RPA3: variants seen among roughly 807,000 people sequenced by gnomAD.
RPA3 encodes replication protein A 14 kDa subunit.
RPA3 carries 24 observed loss-of-function variants against 13.7 expected under a neutral mutation model. The ratio of observed to expected loss-of-function variants is 1.75; its 90% confidence interval spans 1.27 to 2.46. RPA3 has a LOEUF of 2.46. Among genes scored for constraint, RPA3 ranks in the 30% most tolerant of loss-of-function variants. The pLI is 0.00. For missense variants in RPA3, 183 were observed against 151.0 expected, an observed-to-expected ratio of 1.21 and a Z score of -1.11; for synonymous variants, 59 against 51.2, an observed-to-expected ratio of 1.15 and a Z score of -0.65.
chr7:7,640,530 T>A lies in RPA3; in HGVS notation c.-112A>T. The stretch of plus-strand genomic sequence containing the variant: ...GGCACCAATCAGCGAAGACTAGCGC[T>A]CCAGCTTCGCCAATTAAATGCGCGG... On this transcript the variant is annotated 5_prime_UTR_variant, in exon 5 of 8. Coordinates refer to ENST00000223129, the MANE Select transcript of RPA3 (RefSeq NM_002947.5). The A allele has an allele frequency of 2.1e-6, 2 of 953,916 alleles. No homozygotes were observed. The highest frequency in any genetic ancestry group is 5.0e-5 in the East Asian group (2 of 40,234). The allele number at this position is 953,916 out of a possible 1,614,324, so 59.1% of individuals were successfully genotyped here.
At chr7:7,659,278 G>A (rs534101098) in intron 4 of RPA3, among the ~76,000 whole-genome samples, 5 of 151,940 alleles carry the variant, frequency 3.3e-5, no homozygotes, top group African/African-American at 9.7e-5. Flanking sequence ...TTGATTTTTC[G>A]AAGGGTTTTT....
chr7:7,704,069 C>G (rs973385314), intron 2 of RPA3, among the ~76,000 whole-genome samples: 2 of 152,156 alleles, frequency 1.3e-5, no homozygotes, highest in Admixed American at 1.3e-4. Context: ...CAGACATCTT[C>G]CTTTTCCAAC....
intron 2 of RPA3, among the ~76,000 whole-genome samples, chr7:7,707,478 G>T (rs1388150247): frequency 6.6e-6 from 1 of 152,172 alleles, no homozygotes; most frequent in Non-Finnish European, 1.5e-5. Context: ...CCATTTGGCA[G>T]TGGGAATGCC....
intron 4 of RPA3, among the ~76,000 whole-genome samples, chr7:7,657,953 G>T (rs992694257): frequency 6.6e-6 from 1 of 152,182 alleles, no homozygotes; most frequent in Non-Finnish European, 1.5e-5. Flanking sequence ...AGCATGGAAT[G>T]TTTTTCCATT....
intron 4 of RPA3, among the ~76,000 whole-genome samples, chr7:7,676,955 CATATA>C (rs1468369830): frequency 6.6e-6 from 1 of 152,042 alleles, no homozygotes; most frequent in Non-Finnish European, 1.5e-5. Flanking sequence ...TCTATACTGA[CATATA>C]TAATATCTAC....
chr7:7,683,590 T>C (rs1779964091), intron 4 of RPA3, among the ~76,000 whole-genome samples: 3 of 152,028 alleles, frequency 2.0e-5, no homozygotes, highest in Admixed American at 1.3e-4. Flanking sequence ...GAAAGCTTCA[T>C]ACATGATCCT....
At chr7:7,639,938 C>CAAA (rs1418299015) in intron 5 of RPA3, 3 of 240,282 alleles carry the variant, frequency 1.2e-5, no homozygotes, top group Non-Finnish European at 2.5e-5. Context: ...ACGAGGTTTG[C>CAAA]AAAAATAAGT....
intron 2 of RPA3, among the ~76,000 whole-genome samples, chr7:7,696,373 T>C (rs1780317905): frequency 6.6e-6 from 1 of 151,704 alleles, no homozygotes; most frequent in Non-Finnish European, 1.5e-5. Flanking sequence ...TTGTAAAAAC[T>C]GTGAAATCAT....
At chr7:7,681,598 A>T (rs955278978) in intron 4 of RPA3, among the ~76,000 whole-genome samples, 1 of 152,182 alleles carries the variant, frequency 6.6e-6, no homozygotes, top group African/African-American at 2.4e-5. Flanking sequence ...CTATTCCTTC[A>T]TTCAGTAATG....
intron 1 of RPA3, among the ~76,000 whole-genome samples, chr7:7,717,019 G>A (rs1275575827): frequency 2.6e-5 from 4 of 151,654 alleles, no homozygotes; most frequent in Admixed American, 2.0e-4. Context: ...GCACGAGGGA[G>A]CTTTCCTCTT....
chr7:7,678,637 GATAAATATATATTTATATATTTAGTTT>G (rs1563113837), intron 4 of RPA3, among the ~76,000 whole-genome samples: 170 of 31,988 alleles, frequency 5.3e-3, no homozygotes, highest in Non-Finnish European at 9.1e-3. Flanking sequence ...TTAATTTATA[GATAAATATATATTTATATATTTAGTTT>G]ATAAATATAT....
Position 7,671,765 on chromosome 7 carries a change from TCTCTCCTTG to T in RPA3, c.-758+14056_-758+14064del, listed in dbSNP as rs137861086. The stretch of plus-strand genomic sequence containing the variant: ...TTTTCACCAGTTTCATTAGAGGCCA[TCTCTCCTTG>T]CTCTCTATAGAGAGTGCCAAACTGT... On this transcript the variant is annotated intron_variant, in intron 4 of 7. Coordinates refer to ENST00000223129, the MANE Select transcript of RPA3 (RefSeq NM_002947.5). Among the ~76,000 whole-genome samples, 490 of 152,254 alleles carry T rather than the reference TCTCTCCTTG, an allele frequency of 3.2e-3. 3 individuals are homozygous for T. Among genetic ancestry groups the T allele is most frequent in the African/African-American group, 0.011 (462 of 41,564 alleles).
intron 2 of RPA3, among the ~76,000 whole-genome samples, chr7:7,700,927 G>C (rs1780445802): frequency 1.3e-5 from 2 of 152,106 alleles, no homozygotes; most frequent in African/African-American, 4.8e-5. Flanking sequence ...GTGCATACCT[G>C]TAGTCCCACC....
chr7:7,677,998 A>G (rs1405287733), intron 4 of RPA3, among the ~76,000 whole-genome samples: 3 of 152,104 alleles, frequency 2.0e-5, no homozygotes, highest in African/African-American at 4.8e-5. Flanking sequence ...TGATGGAGAC[A>G]CTTAGGTTGA....
chr7:7,711,641 G>A (rs1780767167), intron 2 of RPA3, among the ~76,000 whole-genome samples: 2 of 151,870 alleles, frequency 1.3e-5, no homozygotes, highest in African/African-American at 4.8e-5. Flanking sequence ...AGTCATATGT[G>A]GTTTTTTTGC....
At chr7:7,702,467 T>C (rs902156832) in intron 2 of RPA3, among the ~76,000 whole-genome samples, 2 of 152,206 alleles carry the variant, frequency 1.3e-5, no homozygotes, top group African/African-American at 4.8e-5. Context: ...GAAACCTGGC[T>C]TTCAAGTACA....
At chr7:7,714,481 AT>A (rs1383786964) in intron 2 of RPA3, among the ~76,000 whole-genome samples, 11 of 152,266 alleles carry the variant, frequency 7.2e-5, no homozygotes, top group African/African-American at 2.4e-4. Context: ...ACTTTGTTAA[AT>A]GCTTTAGAAA....
intron 2 of RPA3, among the ~76,000 whole-genome samples, chr7:7,698,798 T>C (rs1780379033): frequency 1.3e-5 from 2 of 151,982 alleles, no homozygotes; most frequent in South Asian, 4.2e-4. Flanking sequence ...CATCTCAAAG[T>C]GATTTGGAGC....
chr7:7,673,423 G>C, intron 4 of RPA3: 1 of 1,001,574 alleles, frequency 1.0e-6, no homozygotes, highest in Non-Finnish European at 1.5e-6. Context: ...CTCAGTACCA[G>C]AGACAGAAGC....
Sources: gnomAD v4.1 joint callset for allele counts (sites outside exome capture counted in the v4.1 genomes callset) on GRCh38, gnomAD v4.1.1 for gene constraint, MANE v1.5 for transcripts, NCBI Gene and HGNC (gene_info 2026-07-23, HGNC 2026-07-21) for gene names.